Variants in HERC3 observed in about 807,000 individuals in gnomAD.
HERC3 encodes HECT and RLD domain containing E3 ubiquitin protein ligase 3, also known as probable E3 ubiquitin-protein ligase HERC3.
Under a neutral mutation model 129.9 loss-of-function variants are expected in HERC3, and 58 were observed. That is an observed-to-expected ratio of 0.45 (90% CI 0.36 to 0.56). The LOEUF is 0.56. Among genes scored for constraint, HERC3 ranks in the 20% least tolerant of loss-of-function variants. HERC3 has a pLI of 0.00. For missense variants in HERC3, 835 were observed against 1,244.2 expected (o/e 0.67, Z 4.95); for synonymous variants, 430 against 451.0 (o/e 0.95, Z 0.59).
intron 19 of HERC3, among the ~76,000 whole-genome samples, chr4:88,678,461 T>C (rs1732402052): frequency 6.6e-6 from 1 of 152,178 alleles, no homozygotes; most frequent in African/African-American, 2.4e-5. Flanking sequence ...AGCTATCATT[T>C]AGGAAGATTG....
At chr4:88,551,426 C>G in the HERC3 span, among the ~76,000 whole-genome samples, 8 of 148,110 alleles carry the variant, frequency 5.4e-5, no homozygotes, top group African/African-American at 2.0e-4. Context: ...TGAACTCAAA[C>G]AAATTTACAA....
At position 88,701,420 on chromosome 4, in the gene HERC3, T is replaced by C. The variant is rs544985833; in HGVS notation, c.2658-2678T>C. 2.0e-4 allele frequency among the ~76,000 whole-genome samples: 30 copies of C among 152,330 alleles called. 2 individuals are homozygous for C. In the South Asian group the frequency reaches 6.2e-3, roughly 32 times the overall value. On this transcript the variant is annotated intron_variant, in intron 23 of 25. Transcript: ENST00000402738. ...GTGGATGGTGAACATGTAAAAACTA[T>C]CTGCTTGGAGGAAACCCAATAATTC...
In HERC3 at chr4:88,667,886, A is replaced by G; in HGVS notation, c.1444-6A>G. ...GAATTTCTCATTACTCTTTTCCCTC[A>G]TACAGATTTTGAACAGTTTTGAAAG... On this transcript the variant is annotated splice_polypyrimidine_tract_variant and splice_region_variant and intron_variant, in intron 13 of 25. Coordinates refer to ENST00000402738, the MANE Select transcript of HERC3 (RefSeq NM_014606.3). 1.2e-6 allele frequency: 2 copies of G among 1,601,440 alleles called. No individual in the cohort carries two copies. Among genetic ancestry groups the G allele is most frequent in the Non-Finnish European group, 1.7e-6 (2 of 1,171,040 alleles).
chr4:88,535,270 C>T, the HERC3 span, among the ~76,000 whole-genome samples: 6 of 152,148 alleles, frequency 3.9e-5, no homozygotes, highest in Non-Finnish European at 8.8e-5. Context: ...TAGGGCACTG[C>T]CCTGGGATTC....
chr4:88,552,261 G>A, the HERC3 span, among the ~76,000 whole-genome samples: 1 of 150,636 alleles, frequency 6.6e-6, no homozygotes, highest in African/African-American at 2.4e-5. Context: ...TTGTGCACAT[G>A]TACCCTAAAA....
chr4:88,552,816 C>G, the HERC3 span, among the ~76,000 whole-genome samples: 1 of 152,142 alleles, frequency 6.6e-6, no homozygotes, highest in Non-Finnish European at 1.5e-5. Flanking sequence ...TCCATAACCT[C>G]CACTAAGGGA....
At chr4:88,548,123 T>G in the HERC3 span, among the ~76,000 whole-genome samples, 1 of 152,250 alleles carries the variant, frequency 6.6e-6, no homozygotes, top group Non-Finnish European at 1.5e-5. Flanking sequence ...TTGGATTGTT[T>G]CCAATTTTTG....
the HERC3 span, among the ~76,000 whole-genome samples, chr4:88,581,172 T>C: frequency 6.6e-6 from 1 of 152,170 alleles, no homozygotes; most frequent in African/African-American, 2.4e-5. Flanking sequence ...TCTTTTCCCT[T>C]ACTAGACCCA....
At chr4:88,531,085 T>C in the HERC3 span, among the ~76,000 whole-genome samples, 2 of 152,164 alleles carry the variant, frequency 1.3e-5, no homozygotes, top group Admixed American at 1.3e-4. Context: ...CTTGAACTCC[T>C]GGCCTCAGGC....
At chr4:88,584,138 T>C in the HERC3 span, among the ~76,000 whole-genome samples, 1 of 152,234 alleles carries the variant, frequency 6.6e-6, no homozygotes, top group South Asian at 2.1e-4. Context: ...TATTGGTTTC[T>C]TCTGGAAGCT....
chr4:88,642,055 C>T (rs992533769), intron 3 of HERC3, among the ~76,000 whole-genome samples: 3 of 145,834 alleles, frequency 2.1e-5, no homozygotes, highest in African/African-American at 7.8e-5. Context: ...TACTTGAACC[C>T]AGGAGGTGGA....
intron 3 of HERC3, among the ~76,000 whole-genome samples, chr4:88,607,036 A>G (rs559491057): frequency 3.3e-5 from 5 of 152,110 alleles, no homozygotes; most frequent in Non-Finnish European, 7.4e-5. Flanking sequence ...GATGAATGAG[A>G]TATGGTGATG....
At chr4:88,561,184 C>T in the HERC3 span, among the ~76,000 whole-genome samples, 1 of 148,134 alleles carries the variant, frequency 6.8e-6, no homozygotes, top group African/African-American at 2.4e-5. Flanking sequence ...CATTGACACA[C>T]TTAAATATTT....
At chr4:88,694,292 A>G (rs1351688010) in intron 23 of HERC3, among the ~76,000 whole-genome samples, 1 of 152,074 alleles carries the variant, frequency 6.6e-6, no homozygotes, top group Non-Finnish European at 1.5e-5. Flanking sequence ...GATGTCCTTT[A>G]TGTATTTCTC....
chr4:88,662,341 C>A, intron 10 of HERC3, 90 bp from the exon 11 acceptor site: 2 of 1,308,190 alleles, frequency 1.5e-6, no homozygotes, highest in Non-Finnish European at 2.1e-6. Flanking sequence ...ATAAGTGAAA[C>A]GTAAAATGGA....
At chr4:88,529,003 T>C in the HERC3 span, among the ~76,000 whole-genome samples, 1 of 152,200 alleles carries the variant, frequency 6.6e-6, no homozygotes, top group South Asian at 2.1e-4. Context: ...TATTAATTTA[T>C]TAATTTATTG....
At chr4:88,524,171 C>T in the HERC3 span, among the ~76,000 whole-genome samples, 1 of 152,176 alleles carries the variant, frequency 6.6e-6, no homozygotes, top group Non-Finnish European at 1.5e-5. Context: ...GTTTCATGTA[C>T]ATCTTTACTA....
intron 3 of HERC3, among the ~76,000 whole-genome samples, chr4:88,618,756 CAA>C (rs1160848406): frequency 1.3e-5 from 2 of 152,166 alleles, no homozygotes; most frequent in Admixed American, 1.3e-4. Flanking sequence ...TCAAGAAAAA[CAA>C]AACAAAGTCA....
chr4:88,678,378 G>A (rs1732394511), intron 19 of HERC3, among the ~76,000 whole-genome samples: 2 of 152,124 alleles, frequency 1.3e-5, no homozygotes, highest in Non-Finnish European at 2.9e-5. Flanking sequence ...TGTCTTTGGT[G>A]TACCAGTTCT....
Sources: allele counts gnomAD v4.1 joint callset (sites outside exome capture counted in the v4.1 genomes callset), GRCh38; gene constraint gnomAD v4.1.1; transcripts MANE v1.5; gene names NCBI Gene and HGNC (gene_info 2026-07-23, HGNC 2026-07-21).